Variants in MEIOC observed in about 807,000 individuals in gnomAD.
MEIOC encodes the protein meiosis specific with coiled-coil domain.
In MEIOC, 9 loss-of-function variants were observed where a neutral mutation model predicts 85.3. The ratio of observed to expected loss-of-function variants is 0.11; its 90% CI spans 0.06 to 0.18. MEIOC has a LOEUF of 0.18. Among genes scored for constraint, MEIOC ranks in the 10% least tolerant of loss-of-function variants. The pLI is 1.00. For missense variants in MEIOC, 898 were observed against 1,129.4 expected (o/e 0.80, Z 2.94); for synonymous variants, 365 against 393.7 (o/e 0.93, Z 0.86).
chr17:44,657,138 G>T lies in MEIOC; in HGVS notation c.81G>T (p.Ala27=), dbSNP rs1971771451. 6.5e-7 allele frequency: 1 copy of T among 1,550,354 alleles called. No homozygotes were observed. Among genetic ancestry groups the T allele is most frequent in the Admixed American group, 2.0e-5 (1 of 51,002 alleles). ...CCCGTGTGCTGCAGCCCAAAGTCGCGTTCCCCGGAGGTGCGAATCGCTGTT... is the reference window on the plus strand; with the variant it reads ...CCCGTGTGCTGCAGCCCAAAGTCGCTTTCCCCGGAGGTGCGAATCGCTGTT... ...LREEGLEPKV[A]FPGGANRCWN... The change falls in exon 2 of 8, where the codon GCG becomes GCT. Residue 27 remains alanine, a synonymous_variant. Transcript: ENST00000409122.
rs1191024557 is a variant in MEIOC, at chr17:44,657,254, C to G, written c.197C>G (p.Thr66Arg). ...TGSASFYDCY[T>R]SQSEDNVDLR... Reference sequence around the variant, plus strand: ...TCCGCTTCCTTCTACGATTGCTACACATCGCAGGTCCTTTAGTAAACTCTG... The same window carrying G: ...TCCGCTTCCTTCTACGATTGCTACAGATCGCAGGTCCTTTAGTAAACTCTG... Residue 66 changes from threonine (T) to arginine (R), a missense_variant, in exon 2 of 8, where the codon ACA (threonine) becomes AGA (arginine). Thr to Arg is a moderately conservative substitution (Grantham distance 71, BLOSUM62 -1). This residue lies in a region of MEIOC where 734 missense variants were observed against 860.1 expected (regional missense o/e 0.85). Coordinates refer to ENST00000409122, the MANE Select transcript of MEIOC (RefSeq NM_001145080.3). 1 of 1,551,320 alleles carries G rather than the reference C, an allele frequency of 6.4e-7. No individual in the cohort carries two copies. Among genetic ancestry groups the G allele is most frequent in the Admixed American group, 2.0e-5 (1 of 50,978 alleles).
downstream of MEIOC, among the ~76,000 whole-genome samples, chr17:44,676,763 A>C (rs1598731969): frequency 6.6e-6 from 1 of 152,198 alleles, no homozygotes; most frequent in East Asian, 1.9e-4. Flanking sequence ...TGGAGGTTGC[A>C]GTGAGCCAAC....
In MEIOC at chr17:44,668,145, A is replaced by G. The variant is rs1971938809; in HGVS notation, c.2234A>G (p.Lys745Arg). 3 of 1,613,970 alleles carry G rather than the reference A, an allele frequency of 1.9e-6. No individual in the cohort carries two copies. In the East Asian group the frequency reaches 6.7e-5, roughly 36 times the overall value. ...ACTTTTGGATTTCAAAGACCAATTA[A>G]AACCCGTAGTGGACCAGCCAGTGAA... ...MPTFGFQRPIKTRSGPASELH... is the reference protein window; with the variant it reads ...MPTFGFQRPIRTRSGPASELH... The change falls in exon 5 of 8, where the codon AAA (lysine) becomes AGA (arginine). Residue 745 changes from lysine to arginine, a missense_variant. Transcript: ENST00000409122.
At chr17:44,659,127 A>G (rs1274717301) in intron 2 of MEIOC, among the ~76,000 whole-genome samples, 2 of 152,212 alleles carry the variant, frequency 1.3e-5, no homozygotes. Flanking sequence ...TTCATTTGAA[A>G]TTATTTAACC....
chr17:44,661,056 G>A (rs540301307), intron 2 of MEIOC, among the ~76,000 whole-genome samples: 6 of 152,170 alleles, frequency 3.9e-5, no homozygotes, highest in East Asian at 1.9e-4. Flanking sequence ...GGCCCAAGGC[G>A]GGCAGATCAC....
Position 44,656,527 on chromosome 17 carries a change from G to C in MEIOC, c.-87G>C. 2 of 1,115,728 alleles carry C rather than the reference G, an allele frequency of 1.8e-6. No homozygotes were observed. The highest frequency in any genetic ancestry group is 2.4e-6 in the Non-Finnish European group (2 of 843,238). The allele number at this position is 1,115,728 out of a possible 1,614,324, so 69.1% of individuals were successfully genotyped here. On this transcript the variant is annotated 5_prime_UTR_variant, in exon 1 of 8. Transcript: ENST00000409122. The stretch of plus-strand genomic sequence containing the variant: ...CGGCTGCGGAGACGGCGGGGTGCGG[G>C]CTGAGGGAGCCGGGCCTGGACGCCC...
Position 44,674,172 on chromosome 17 carries a change from G to C in MEIOC, c.2835G>C (p.Gln945His). 6.4e-7 allele frequency: 1 copy of C among 1,551,450 alleles called. No homozygotes were observed. Among genetic ancestry groups the C allele is most frequent in the Non-Finnish European group, 8.7e-7 (1 of 1,146,852 alleles). ...TAAATAGTAGCAATCCAATGAACCA[G>C]AGAGGTGAAACAAACAAACATTAAG... is the stretch of plus-strand genomic sequence containing the variant. ...ESINSSNPMN[Q>H]RGETNKH is the part of the protein sequence containing the mutation. The change falls in exon 8 of 8, where the codon CAG (glutamine) becomes CAC (histidine). Residue 945 changes from glutamine to histidine, a missense_variant. Around this residue, in one of 2 missense-constraint regions of MEIOC, gnomAD observed 164 missense variants for 269.2 expected, o/e 0.61. Transcript: ENST00000409122.
chr17:44,669,393 C>A lies in MEIOC; in HGVS notation c.2333C>A (p.Ala778Asp). The change falls in exon 6 of 8, where the codon GCC (alanine) becomes GAC (aspartate). Residue 778 changes from alanine to aspartate, a missense_variant. Ala to Asp is a moderately radical substitution (Grantham distance 126, BLOSUM62 -2). Around this residue, in one of 2 missense-constraint regions of MEIOC, gnomAD observed 164 missense variants for 269.2 expected, o/e 0.61. Transcript: ENST00000409122. ...LEKERKKTEL[A>D]LAKNYPGKKV... ...TGTAATTTTTTACAGACTGAATTAG[C>A]CCTTGCCAAGAATTATCCTGGAAAA... 6.4e-7 allele frequency: 1 copy of A among 1,569,730 alleles called. No individual in the cohort carries two copies.
In MEIOC at chr17:44,657,130, A is replaced by G. The variant is rs372362075; in HGVS notation, c.73A>G (p.Lys25Glu). 416 of 1,549,740 alleles carry G rather than the reference A, an allele frequency of 2.7e-4. 1 individual carries two copies. Among genetic ancestry groups the G allele is most frequent in the Middle Eastern group, 1.2e-3 (7 of 5,984 alleles). The change falls in exon 2 of 8, where the codon AAA (lysine) becomes GAA (glutamate). Residue 25 changes from lysine (K) to glutamate (E), a missense_variant. Transcript: ENST00000409122. ...SGLREEGLEP[K>E]VAFPGGANRC... ...TTCCTATTCCCGTGTGCTGCAGCCC[A>G]AAGTCGCGTTCCCCGGAGGTGCGAA...
chr17:44,658,531 G>C (rs1037753131), intron 2 of MEIOC, among the ~76,000 whole-genome samples: 2 of 151,260 alleles, frequency 1.3e-5, no homozygotes, highest in African/African-American at 2.4e-5. Context: ...GCCATGGCTC[G>C]TGCCTGTAAT....
At position 44,674,964 on chromosome 17, in the gene MEIOC, T is replaced by C. The variant is rs1972056292; in HGVS notation, c.*768T>C. On this transcript the variant is annotated 3_prime_UTR_variant, in exon 8 of 8. Coordinates refer to ENST00000409122, the MANE Select transcript of MEIOC (RefSeq NM_001145080.3). ...TTATTTAAATTGAATCACAAAACAT[T>C]CCCTTTATCTGGATCTTTTAGACTT... 5 of 980,030 alleles carry C rather than the reference T, an allele frequency of 5.1e-6. No individual in the cohort carries two copies. In the South Asian group the frequency reaches 2.4e-4, roughly 46 times the overall value. 60.7% of individuals were successfully genotyped at this position (980,030 alleles called of 1,614,324 possible). A position where few individuals can be genotyped will look rare whatever the true frequency, so the allele number is the denominator to read the frequency against.
chr17:44,662,774 C>T (rs760126361), intron 3 of MEIOC, among the ~76,000 whole-genome samples: 1 of 152,202 alleles, frequency 6.6e-6, no homozygotes, highest in South Asian at 2.1e-4. Flanking sequence ...GCCTCAGCCT[C>T]CACAGTAGCT....
In MEIOC at chr17:44,657,100, G is replaced by T. The variant is rs964748593; in HGVS notation, c.70-27G>T. 6 of 1,540,914 alleles carry T rather than the reference G, an allele frequency of 3.9e-6. No homozygotes were observed. The African/African-American group carries it at 4.1e-5, about 11-fold the overall frequency. On this transcript the variant is annotated intron_variant, in intron 1 of 7. Coordinates refer to ENST00000409122, the MANE Select transcript of MEIOC (RefSeq NM_001145080.3). Reference sequence around the variant, plus strand: ...GGCGTCACCCTCGTGACCACTTTCTGATATTTCCTATTCCCGTGTGCTGCA... The same window carrying T: ...GGCGTCACCCTCGTGACCACTTTCTTATATTTCCTATTCCCGTGTGCTGCA...
chr17:44,675,673 T>C lies in MEIOC; in HGVS notation c.*1477T>C, dbSNP rs1972066488. ...TTACATTGAGGGTAGTCAAATAAAA[T>C]AGATCATCTCACCACAGTCACTGCA... is the stretch of plus-strand genomic sequence containing the variant. On this transcript the variant is annotated 3_prime_UTR_variant, in exon 8 of 8. Coordinates refer to ENST00000409122, the MANE Select transcript of MEIOC (RefSeq NM_001145080.3). 2 of 985,142 alleles carry C rather than the reference T, an allele frequency of 2.0e-6. No individual in the cohort carries two copies. The highest frequency in any genetic ancestry group is 6.2e-5 in the Admixed American group (1 of 16,260). 61.0% of individuals were successfully genotyped at this position (985,142 alleles called of 1,614,324 possible). A position where few individuals can be genotyped will look rare whatever the true frequency, so the allele number is the denominator to read the frequency against.
chr17:44,656,678 T>C lies in MEIOC; in HGVS notation c.65T>C (p.Leu22Pro). Reference sequence around the variant, plus strand: ...CCCTCAGGCCTGAGGGAGGAAGGACTTGAGGTAATGGATGAGGAAGGGCAG... The same window carrying C: ...CCCTCAGGCCTGAGGGAGGAAGGACCTGAGGTAATGGATGAGGAAGGGCAG... ...PHPSGLREEG[L>P]EPKVAFPGGA... The change falls in exon 1 of 8, where the codon CTT becomes CCT. Residue 22 changes from leucine to proline, a missense_variant. Coordinates refer to ENST00000409122, the MANE Select transcript of MEIOC (RefSeq NM_001145080.3). 6.7e-7 allele frequency: 1 copy of C among 1,490,534 alleles called. No individual in the cohort carries two copies. The highest frequency in any genetic ancestry group is 8.9e-7 in the Non-Finnish European group (1 of 1,120,534). The allele number at this position is 1,490,534 out of a possible 1,614,324, so 92.3% of individuals were successfully genotyped here. A position where few individuals can be genotyped will look rare whatever the true frequency, so the allele number is the denominator to read the frequency against.
Position 44,674,245 on chromosome 17 carries a change from C to A in MEIOC, c.*49C>A. Reference sequence around the variant, plus strand: ...TAAAAAGCTGATAAATATACCAAGACATGCTAAAAATGTTTTAATGAACTT... The same window carrying A: ...TAAAAAGCTGATAAATATACCAAGAAATGCTAAAAATGTTTTAATGAACTT... On this transcript the variant is annotated 3_prime_UTR_variant, in exon 8 of 8. Coordinates refer to ENST00000409122, the MANE Select transcript of MEIOC (RefSeq NM_001145080.3). 6.7e-7 allele frequency: 1 copy of A among 1,496,208 alleles called. No individual in the cohort carries two copies. 92.7% of individuals were successfully genotyped at this position (1,496,208 alleles called of 1,614,324 possible).
Position 44,656,541 on chromosome 17 carries a change from G to A in MEIOC, c.-73G>A. 2 of 1,210,828 alleles carry A rather than the reference G, an allele frequency of 1.7e-6. No homozygotes were observed. The highest frequency in any genetic ancestry group is 4.2e-5 in the South Asian group (2 of 48,096). The allele number at this position is 1,210,828 out of a possible 1,614,324, so 75.0% of individuals were successfully genotyped here. A position where few individuals can be genotyped will look rare whatever the true frequency, so the allele number is the denominator to read the frequency against. ...GCGGGGTGCGGGCTGAGGGAGCCGG[G>A]CCTGGACGCCCCCCCCATCACCCCC... On this transcript the variant is annotated 5_prime_UTR_variant, in exon 1 of 8. Transcript: ENST00000409122.
chr17:44,667,640 G>T lies in MEIOC; in HGVS notation c.1729G>T (p.Val577Phe), dbSNP rs747920525. The change falls in exon 5 of 8, where the codon GTT becomes TTT. Residue 577 changes from valine to phenylalanine, a missense_variant. Transcript: ENST00000409122. Reference sequence around the variant, plus strand: ...TGGAGAAGAAAATCTCTTCAAATTGGTTACGGATAAAAAAATAAAGCAGCC... The same window carrying T: ...TGGAGAAGAAAATCTCTTCAAATTGTTTACGGATAAAAAAATAAAGCAGCC... ...KPGEENLFKLVTDKKIKQPNG... is the reference protein window; with the variant it reads ...KPGEENLFKLFTDKKIKQPNG... The T allele has an allele frequency of 6.2e-7, 1 of 1,612,526 alleles. No individual in the cohort carries two copies. The highest frequency in any genetic ancestry group is 8.5e-7 in the Non-Finnish European group (1 of 1,179,278).
At chr17:44,671,894 A>G (rs1425682428) in intron 6 of MEIOC, among the ~76,000 whole-genome samples, 2 of 137,982 alleles carry the variant, frequency 1.4e-5, no homozygotes, top group African/African-American at 2.7e-5. Flanking sequence ...CGACAGAGCA[A>G]GACTCCGTCT....
Sources: allele counts gnomAD v4.1 joint callset (sites outside exome capture counted in the v4.1 genomes callset), GRCh38; gene constraint gnomAD v4.1.1; regional missense constraint gnomAD v4.1.1; transcripts MANE v1.5; gene names NCBI Gene and HGNC (gene_info 2026-07-23, HGNC 2026-07-21).